ADAMTSL1: variants seen among roughly 807,000 people sequenced by gnomAD.
The protein encoded by ADAMTSL1 is ADAMTS like 1.
Under a neutral mutation model 201.8 loss-of-function variants are expected in ADAMTSL1, and 126 were observed. The ratio of observed to expected loss-of-function variants is 0.62; its 90% CI spans 0.54 to 0.72. The LOEUF (loss-of-function observed/expected upper bound fraction) is 0.72, where lower values mean the gene tolerates loss of function less well. Ranked by LOEUF, ADAMTSL1 falls within the 30% of genes least tolerant of loss-of-function variation. The pLI is 0.00. For synonymous variants in ADAMTSL1, 1,121 were observed against 903.4 expected (o/e 1.24, Z -4.32); for missense variants, 2,679 against 2,277.8 (o/e 1.18, Z -3.59).
In ADAMTSL1 at chr9:18,775,868, C is replaced by T; in HGVS notation, c.2523C>T (p.Ile841=). Residue 841 remains isoleucine (I), a synonymous_variant, in exon 18 of 29, where the codon ATC becomes ATT. Coordinates refer to ENST00000380548, the MANE Select transcript of ADAMTSL1 (RefSeq NM_001040272.6). ...LCPPLPFSSS[I]RPCMLATCAR... Reference sequence around the variant, plus strand: ...CGCCCCTGCCTTTCTCTTCCTCCATCAGGCCCTGTATGCTGGCAACCTGTG... The same window carrying T: ...CGCCCCTGCCTTTCTCTTCCTCCATTAGGCCCTGTATGCTGGCAACCTGTG... The T allele has an allele frequency of 6.2e-7, 1 of 1,600,968 alleles. No homozygotes were observed. Among genetic ancestry groups the T allele is most frequent in the South Asian group, 1.1e-5 (1 of 88,422 alleles).
At chr9:18,100,163 C>G (rs1486501613) in intron 1 of ADAMTSL1, among the ~76,000 whole-genome samples, 1 of 152,088 alleles carries the variant, frequency 6.6e-6, no homozygotes. Flanking sequence ...GACATGTCCT[C>G]CAGAATTTTT....
intron 14 of ADAMTSL1, among the ~76,000 whole-genome samples, chr9:18,714,658 C>G (rs1306946964): frequency 1.3e-5 from 2 of 150,160 alleles, no homozygotes; most frequent in Non-Finnish European, 3.0e-5. Flanking sequence ...CAGCCGAATT[C>G]TACCAGAGGT....
intron 1 of ADAMTSL1, among the ~76,000 whole-genome samples, chr9:18,162,222 A>G (rs1182606139): frequency 1.3e-5 from 2 of 151,994 alleles, no homozygotes; most frequent in South Asian, 2.1e-4. Context: ...TCTTCAAGCC[A>G]GCAGTGGCAA....
intron 2 of ADAMTSL1, among the ~76,000 whole-genome samples, chr9:18,450,419 T>C (rs1338058733): frequency 1.3e-5 from 2 of 152,146 alleles, no homozygotes; most frequent in African/African-American, 4.8e-5. Context: ...GCTCACTCAA[T>C]TAATGAAAAT....
At position 18,456,608 on chromosome 9, in the gene ADAMTSL1, C is replaced by T. The variant is rs189228975; in HGVS notation, c.208-48221C>T. The stretch of plus-strand genomic sequence containing the variant: ...AACTTCTATAAAAGTCTTTCACTGC[C>T]TGGATTTCTTTTTATTCGATTACCA... On this transcript the variant is annotated intron_variant, in intron 2 of 29. Transcript: ENST00000680146. 3.0e-4 allele frequency among the ~76,000 whole-genome samples: 46 copies of T among 152,266 alleles called. No homozygotes were observed. In the East Asian group the frequency reaches 6.6e-3, roughly 22 times the overall value.
chr9:18,558,213 T>C (rs1821227505), intron 3 of ADAMTSL1, among the ~76,000 whole-genome samples: 2 of 152,140 alleles, frequency 1.3e-5, no homozygotes, highest in African/African-American at 2.4e-5. Context: ...CCTGTGTCCA[T>C]GTGTTCTCAT....
chr9:18,691,966 CA>C (rs1831248366), intron 13 of ADAMTSL1, among the ~76,000 whole-genome samples: 1 of 152,126 alleles, frequency 6.6e-6, no homozygotes, highest in African/African-American at 2.4e-5. Flanking sequence ...CCACTTAATA[CA>C]AATGGAGAAA....
chr9:18,251,149 T>TACTGTAAAA (rs1373164330), intron 2 of ADAMTSL1, among the ~76,000 whole-genome samples: 1 of 152,126 alleles, frequency 6.6e-6, no homozygotes, highest in Non-Finnish European at 1.5e-5. Context: ...GAAGAATCAT[T>TACTGTAAAA]ACTGTAAAAA....
intron 20 of ADAMTSL1, among the ~76,000 whole-genome samples, chr9:18,805,370 TTTTCTTTAACG>T (rs1159629650): frequency 6.6e-6 from 1 of 152,128 alleles, no homozygotes; most frequent in Non-Finnish European, 1.5e-5. Flanking sequence ...TTCCTCTTTC[TTTTCTTTAACG>T]TTTTGCTTTC....
intron 14 of ADAMTSL1, among the ~76,000 whole-genome samples, chr9:18,710,665 TGTTTTG>T (rs796892655): frequency 1.8e-4 from 23 of 125,308 alleles, no homozygotes; most frequent in South Asian, 5.3e-4. Context: ...GCCTAAGTTT[TGTTTTG>T]TTTTTTTTTT....
At chr9:18,565,733 A>G (rs1053482263) in intron 3 of ADAMTSL1, among the ~76,000 whole-genome samples, 2 of 152,186 alleles carry the variant, frequency 1.3e-5, no homozygotes, top group African/African-American at 2.4e-5. Context: ...CTTAAAATGT[A>G]ACAGAGTTGT....
chr9:18,232,327 A>T (rs1010013463), intron 2 of ADAMTSL1, among the ~76,000 whole-genome samples: 8 of 152,170 alleles, frequency 5.3e-5, no homozygotes, highest in Non-Finnish European at 1.2e-4. Context: ...CTCAAATGGC[A>T]CCTTCTTTGA....
rs1291996608 is a variant in ADAMTSL1 at position 18,508,936 on chromosome 9, G to A, written c.191+3980G>A. Among the ~76,000 whole-genome samples the A allele has an allele frequency of 2.1e-5, 2 of 95,238 alleles. 1 individual carries two copies. The highest frequency in any genetic ancestry group is 4.5e-5 in the Non-Finnish European group (2 of 44,330). The allele number at this position is 95,238 out of a possible 152,430, so 62.5% of individuals were successfully genotyped here. On this transcript the variant is annotated intron_variant, in intron 2 of 28. Transcript: ENST00000380548. ...GCGGTGGCTCACGCCTGTAATCCCA[G>A]CACTTTGGGAGGCCGAGGCGGGTGG...
intron 2 of ADAMTSL1, among the ~76,000 whole-genome samples, chr9:18,255,050 A>C (rs1382551684): frequency 1.3e-5 from 2 of 152,138 alleles, no homozygotes; most frequent in Non-Finnish European, 2.9e-5. Context: ...ATTTTCATTA[A>C]ATGTTTGAGT....
chr9:18,082,226 G>A (rs910207163), intron 1 of ADAMTSL1, among the ~76,000 whole-genome samples: 1 of 152,138 alleles, frequency 6.6e-6, no homozygotes, highest in Non-Finnish European at 1.5e-5. Flanking sequence ...TAAGAAGTAC[G>A]AAACTAAATA....
chr9:18,501,316 G>C (rs980379587), intron 1 of ADAMTSL1, among the ~76,000 whole-genome samples: 5 of 152,038 alleles, frequency 3.3e-5, no homozygotes, highest in African/African-American at 1.2e-4. Context: ...TTCAAGACCA[G>C]CTTGGGCAAC....
At chr9:18,801,295 C>G (rs1329782046) in intron 20 of ADAMTSL1, among the ~76,000 whole-genome samples, 1 of 152,152 alleles carries the variant, frequency 6.6e-6, no homozygotes, top group African/African-American at 2.4e-5. Flanking sequence ...GTACATATCA[C>G]AAAATTCTTT....
intron 2 of ADAMTSL1, among the ~76,000 whole-genome samples, chr9:18,321,892 T>C (rs1015768798): frequency 1.3e-5 from 2 of 152,220 alleles, no homozygotes; most frequent in Non-Finnish European, 2.9e-5. Context: ...TGCTATATGA[T>C]AAACTAAGTC....
At chr9:18,548,300 T>C (rs1820596238) in intron 3 of ADAMTSL1, among the ~76,000 whole-genome samples, 1 of 152,066 alleles carries the variant, frequency 6.6e-6, no homozygotes, top group Non-Finnish European at 1.5e-5. Flanking sequence ...AAGTGTCCTT[T>C]TGGCAGTCTA....
Sources: gnomAD v4.1 joint callset for allele counts (sites outside exome capture counted in the v4.1 genomes callset) on GRCh38, gnomAD v4.1.1 for gene constraint, MANE v1.5 for transcripts, NCBI Gene and HGNC (gene_info 2026-07-23, HGNC 2026-07-21) for gene names.